CRACD: variants seen among roughly 807,000 people sequenced by gnomAD.
The protein encoded by CRACD is capping protein-inhibiting regulator of actin dynamics.
In CRACD, 56 loss-of-function variants were observed where a neutral mutation model predicts 106.8. The observed-to-expected ratio is 0.52, with a 90% CI of 0.42 to 0.66. The LOEUF (loss-of-function observed/expected upper bound fraction) is 0.66. CRACD is among the 30% of genes least tolerant of loss of function. The pLI, the probability that CRACD is intolerant of heterozygous loss-of-function variation, is 0.00. For synonymous variants in CRACD, 754 were observed against 670.8 expected, an observed-to-expected ratio of 1.12 and a Z score of -1.92; for missense variants, 1,730 against 1,623.2, an observed-to-expected ratio of 1.07 and a Z score of -1.13.
intron 2 of CRACD, among the ~76,000 whole-genome samples, chr4:56,182,332 T>C (rs1245863912): frequency 6.6e-6 from 1 of 151,468 alleles, no homozygotes; most frequent in African/African-American, 2.4e-5. Flanking sequence ...ATTTTACCAC[T>C]GCACCCCAGC....
At chr4:56,129,693 G>C (rs74917273) in intron 1 of CRACD, among the ~76,000 whole-genome samples, 1 of 152,232 alleles carries the variant, frequency 6.6e-6, no homozygotes, top group South Asian at 2.1e-4. Flanking sequence ...CACTGTGCCC[G>C]GCACTAGGGA....
chr4:56,229,311 T>A (rs1173822150), intron 2 of CRACD, among the ~76,000 whole-genome samples: 4 of 152,132 alleles, frequency 2.6e-5, no homozygotes, highest in Non-Finnish European at 5.9e-5. Flanking sequence ...GAGCCCCTTT[T>A]GCCCTTCCAT....
chr4:56,327,791 A>C lies in CRACD; in HGVS notation c.3689A>C (p.Gln1230Pro), dbSNP rs1169864398. 1.2e-6 allele frequency: 2 copies of C among 1,614,096 alleles called. No individual in the cohort carries two copies. The highest frequency in any genetic ancestry group is 1.7e-6 in the Non-Finnish European group (2 of 1,179,970). The change falls in exon 11 of 11, where the codon CAG (glutamine) becomes CCG (proline). Residue 1230 changes from glutamine to proline, a missense_variant. Gln to Pro is a moderately conservative substitution (Grantham distance 76). Around this residue, in one of 5 missense-constraint regions of CRACD, gnomAD observed 15 missense variants for 16.1 expected, o/e 0.93. Coordinates refer to ENST00000682029, the MANE Select transcript of CRACD (RefSeq NM_001393381.1). ...GCAAAGGCTTGGAGCGACTGTCCAC[A>C]GATTATTAAGTAAAGAGTGACTCTC... is the stretch of plus-strand genomic sequence containing the variant. ...RKAKAWSDCPQIIK is the reference protein window; with the variant it reads ...RKAKAWSDCPPIIK
At chr4:56,228,692 C>T (rs967788831) in intron 2 of CRACD, among the ~76,000 whole-genome samples, 2 of 150,786 alleles carry the variant, frequency 1.3e-5, no homozygotes, top group Admixed American at 6.6e-5. Flanking sequence ...GCGGAGAAAT[C>T]GGAGAGAAGG....
At chr4:56,140,846 A>G (rs1399293505) in intron 1 of CRACD, among the ~76,000 whole-genome samples, 1 of 152,226 alleles carries the variant, frequency 6.6e-6, no homozygotes, top group Non-Finnish European at 1.5e-5. Context: ...TCCATAATGC[A>G]GTCCCAGCAA....
intron 2 of CRACD, among the ~76,000 whole-genome samples, chr4:56,258,305 G>T (rs1741495194): frequency 6.6e-6 from 1 of 152,120 alleles, no homozygotes; most frequent in Admixed American, 6.5e-5. Flanking sequence ...ACTTTGAGTT[G>T]TCTGCCTTTC....
intron 2 of CRACD, among the ~76,000 whole-genome samples, chr4:56,208,489 AG>A (rs1738238806): frequency 6.6e-6 from 1 of 152,244 alleles, no homozygotes; most frequent in African/African-American, 2.4e-5. Flanking sequence ...GTCAGAGTTT[AG>A]TAGCAGAAGG....
Position 56,315,820 on chromosome 4 carries a change from CGGA to C in CRACD, c.2320_2322del (p.Glu774del), listed in dbSNP as rs1560538095. The C allele has an allele frequency of 6.2e-7, 1 of 1,614,174 alleles. No individual in the cohort carries two copies. Among genetic ancestry groups the C allele is most frequent in the South Asian group, 1.1e-5 (1 of 91,082 alleles). On this transcript the variant is annotated inframe_deletion, in exon 8 of 11. Coordinates refer to ENST00000682029, the MANE Select transcript of CRACD (RefSeq NM_001393381.1). This position sits in a 1 kb window ranked among gnomAD's most constrained non-coding sequence, Gnocchi z 4.1. Reference sequence around the variant, plus strand: ...GGTGTTCGCGAGCTCGGGAAGGGTCCGGAGAAGTCGGAGATGCACCGGGAGCCC... The same window carrying C: ...GGTGTTCGCGAGCTCGGGAAGGGTCCGAAGTCGGAGATGCACCGGGAGCCC...
At position 56,122,865 on chromosome 4, in the gene CRACD, A is replaced by G. The variant is rs149577886; in HGVS notation, c.-335-56419A>G. Among the ~76,000 whole-genome samples, 490 of 152,286 alleles carry G rather than the reference A, an allele frequency of 3.2e-3. 5 individuals carry two copies. Among genetic ancestry groups the G allele is most frequent in the African/African-American group, 0.011 (468 of 41,550 alleles). ...TGCTTGAGGACAGAATGCATTTCCA[A>G]ATAAATTGGTTCACTAAAGGGCAGC... On this transcript the variant is annotated intron_variant, in intron 1 of 10. Transcript: ENST00000682029.
At chr4:56,193,272 A>G (rs1403967210) in intron 2 of CRACD, among the ~76,000 whole-genome samples, 6 of 152,154 alleles carry the variant, frequency 3.9e-5, no homozygotes, top group East Asian at 3.9e-4. Context: ...CACTGGGTCC[A>G]TGGCATGACA....
intron 1 of CRACD, among the ~76,000 whole-genome samples, chr4:56,153,528 T>C (rs920429043): frequency 2.0e-5 from 3 of 152,178 alleles, no homozygotes; most frequent in African/African-American, 7.2e-5. Flanking sequence ...TCCTTCCTCC[T>C]GTTTCTCCCA....
chr4:56,328,487 A>T lies in CRACD; in HGVS notation c.*683A>T. ...CCAATACCCTCCTTAAGGACATGTGAAGCATTTGGCCCAGTTGGCTCCCAG... is the reference window on the plus strand; with the variant it reads ...CCAATACCCTCCTTAAGGACATGTGTAGCATTTGGCCCAGTTGGCTCCCAG... On this transcript the variant is annotated 3_prime_UTR_variant, in exon 11 of 11. Transcript: ENST00000682029. 2.1e-6 allele frequency: 1 copy of T among 484,206 alleles called. No individual in the cohort carries two copies. Among genetic ancestry groups the T allele is most frequent in the Non-Finnish European group, 4.1e-6 (1 of 243,324 alleles). The allele number at this position is 484,206 out of a possible 1,614,324, so 30.0% of individuals were successfully genotyped here. A position where few individuals can be genotyped will look rare whatever the true frequency, so the allele number is the denominator to read the frequency against.
chr4:56,303,360 A>AG (rs1287703357), intron 4 of CRACD, among the ~76,000 whole-genome samples: 2 of 152,082 alleles, frequency 1.3e-5, no homozygotes, highest in Admixed American at 6.6e-5. Context: ...AAAAAAAAAA[A>AG]AAAGAAAGAA....
chr4:56,301,352 A>AC, intron 4 of CRACD: 2 of 628,368 alleles, frequency 3.2e-6, no homozygotes, highest in Middle Eastern at 3.1e-4. Flanking sequence ...AGCCTAAGAG[A>AC]CCGCCCCCTT....
intron 2 of CRACD, among the ~76,000 whole-genome samples, chr4:56,191,744 C>A (rs563032775): frequency 6.6e-6 from 1 of 152,170 alleles, no homozygotes; most frequent in African/African-American, 2.4e-5. Flanking sequence ...CCATGTACGA[C>A]GTTATTTCTA....
chr4:56,144,200 A>AG (rs1160985434), intron 1 of CRACD, among the ~76,000 whole-genome samples: 1 of 152,182 alleles, frequency 6.6e-6, no homozygotes, highest in Admixed American at 6.5e-5. Context: ...AAAGTGGAGA[A>AG]GGGGGGAGAG....
At chr4:56,137,434 A>T (rs1052695036) in intron 1 of CRACD, among the ~76,000 whole-genome samples, 1 of 152,190 alleles carries the variant, frequency 6.6e-6, no homozygotes, top group Non-Finnish European at 1.5e-5. Context: ...TTATAACCAA[A>T]AGTCTTCTAG....
chr4:56,308,026 C>A (rs1744861484), intron 5 of CRACD, among the ~76,000 whole-genome samples: 1 of 152,164 alleles, frequency 6.6e-6, no homozygotes, highest in Non-Finnish European at 1.5e-5. Context: ...GTGTCTTTAC[C>A]ATTTTTCACA....
chr4:56,165,670 T>G (rs1407141125), intron 1 of CRACD, among the ~76,000 whole-genome samples: 1 of 152,182 alleles, frequency 6.6e-6, no homozygotes, highest in Non-Finnish European at 1.5e-5. Flanking sequence ...ATCCTATTTA[T>G]GTAGAAAGAG....
Sources: allele counts gnomAD v4.1 joint callset (sites outside exome capture counted in the v4.1 genomes callset), GRCh38; gene constraint gnomAD v4.1.1; regional missense constraint gnomAD v4.1.1; non-coding constraint Gnocchi (gnomAD v3.1); transcripts MANE v1.5; gene names NCBI Gene and HGNC (gene_info 2026-07-23, HGNC 2026-07-21).